The following FMN1 variants were observed in gnomAD, a reference collection of about 807,000 sequenced individuals.
FMN1 encodes formin 1, also known as formin-1.
FMN1 carries 110 observed loss-of-function variants against 132.4 expected under a neutral mutation model. The ratio of observed to expected loss-of-function variants is 0.83; its 90% CI spans 0.71 to 0.97. The LOEUF (loss-of-function observed/expected upper bound fraction) is 0.97, where lower values mean the gene tolerates loss of function less well. Among genes scored for constraint, FMN1 ranks in the 50% least tolerant of loss-of-function variants. The pLI, the probability that FMN1 is intolerant of heterozygous loss-of-function variation, is 0.00. For synonymous variants in FMN1, 722 were observed against 651.7 expected (o/e 1.11, Z -1.64); for missense variants, 1,792 against 1,705.3 (o/e 1.05, Z -0.90).
At chr15:32,973,452 A>G (rs1282294866) in intron 7 of FMN1, among the ~76,000 whole-genome samples, 3 of 152,212 alleles carry the variant, frequency 2.0e-5, no homozygotes, top group Non-Finnish European at 4.4e-5. Context: ...GTATTCACTG[A>G]TATGGAGAAT....
At chr15:32,802,457 C>T (rs1489371727) in intron 18 of FMN1, among the ~76,000 whole-genome samples, 4 of 152,180 alleles carry the variant, frequency 2.6e-5, no homozygotes, top group Admixed American at 2.6e-4. Context: ...ACTAATCTCA[C>T]ACAAATATTG....
chr15:32,974,937 C>A (rs2032083699), intron 7 of FMN1, among the ~76,000 whole-genome samples: 2 of 152,340 alleles, frequency 1.3e-5, no homozygotes, highest in South Asian at 2.1e-4. Context: ...AGCCTAAATT[C>A]TTTCCATGAT....
chr15:32,899,813 A>G (rs901190901), intron 14 of FMN1, 166 bp downstream of exon 14: 3 of 714,076 alleles, frequency 4.2e-6, no homozygotes, highest in Admixed American at 2.6e-5. Flanking sequence ...AAAACTCTTT[A>G]TTCGAAAGTG....
chr15:33,053,618 TC>T (rs1440100544), intron 6 of FMN1, among the ~76,000 whole-genome samples: 1 of 152,032 alleles, frequency 6.6e-6, no homozygotes, highest in Non-Finnish European at 1.5e-5. Flanking sequence ...ACTTCGGTGT[TC>T]CCACAATACT....
intron 6 of FMN1, among the ~76,000 whole-genome samples, chr15:33,017,298 T>C (rs1462750746): frequency 1.3e-5 from 2 of 151,992 alleles, no homozygotes; most frequent in Non-Finnish European, 2.9e-5. Flanking sequence ...CCAATTCTAA[T>C]GTAAACTGTG....
intron 4 of FMN1, among the ~76,000 whole-genome samples, chr15:33,106,992 A>T (rs199566803): frequency 6.6e-6 from 1 of 151,990 alleles, no homozygotes; most frequent in East Asian, 1.9e-4. Context: ...GCCCTATCTC[A>T]TACAGGCACC....
At chr15:32,867,975 A>G (rs889168152) in intron 16 of FMN1, among the ~76,000 whole-genome samples, 1 of 152,192 alleles carries the variant, frequency 6.6e-6, no homozygotes, top group East Asian at 1.9e-4. Context: ...AAGCTGTTCC[A>G]TGGGTATTTG....
intron 9 of FMN1, among the ~76,000 whole-genome samples, chr15:32,929,907 T>A (rs958505948): frequency 6.6e-5 from 10 of 151,828 alleles, no homozygotes; most frequent in African/African-American, 2.2e-4. Context: ...ATCTTTTCAA[T>A]ACAGTGACTT....
At chr15:33,161,464 G>A (rs189389524) in intron 3 of FMN1, among the ~76,000 whole-genome samples, 36 of 152,266 alleles carry the variant, frequency 2.4e-4, no homozygotes, top group Admixed American at 1.4e-3. Flanking sequence ...AGCTGCAGCT[G>A]CTTTCTCTGA....
chr15:32,877,283 T>C (rs1044250706), intron 16 of FMN1, among the ~76,000 whole-genome samples: 2 of 137,576 alleles, frequency 1.5e-5, no homozygotes, highest in African/African-American at 2.9e-5. Context: ...CAATATTCTG[T>C]CTCAGGAAAA....
intron 15 of FMN1, among the ~76,000 whole-genome samples, chr15:32,890,631 T>C (rs567230961): frequency 1.1e-4 from 17 of 151,310 alleles, no homozygotes; most frequent in African/African-American, 3.9e-4. Context: ...TTCTTACTGA[T>C]TTGAGTTCAC....
intron 6 of FMN1, among the ~76,000 whole-genome samples, chr15:33,022,833 C>T (rs2035477747): frequency 6.6e-6 from 1 of 152,106 alleles, no homozygotes. Flanking sequence ...GACTGAGACA[C>T]AGCTGTAGTT....
intron 7 of FMN1, among the ~76,000 whole-genome samples, chr15:32,992,117 A>G (rs1326390170): frequency 6.6e-6 from 1 of 152,104 alleles, no homozygotes; most frequent in East Asian, 1.9e-4. Context: ...TTGTAATGCA[A>G]TCTTGTTTTC....
rs2056230771 is a variant in FMN1 at position 32,771,244 on chromosome 15, A to T, written c.*3066T>A. 1 of 150,746 alleles carries T rather than the reference A, an allele frequency of 6.6e-6. No homozygotes were observed. The highest frequency in any genetic ancestry group is 6.6e-5 in the Admixed American group (1 of 15,192). 9.3% of individuals were successfully genotyped at this position (150,746 alleles called of 1,614,324 possible). On this transcript the variant is annotated 3_prime_UTR_variant, in exon 21 of 21. Transcript: ENST00000616417. ...CAGGCGCCCACCACCACGCCCGGCT[A>T]ATTTTTTGTATTTTTAGTAGAGATG...
chr15:32,781,842 A>G (rs958877784), intron 19 of FMN1, among the ~76,000 whole-genome samples: 1 of 152,178 alleles, frequency 6.6e-6, no homozygotes, highest in South Asian at 2.1e-4. Context: ...AGAAAATACT[A>G]TATGTGATTA....
intron 16 of FMN1, among the ~76,000 whole-genome samples, chr15:32,866,933 G>A (rs2059405665): frequency 1.3e-5 from 2 of 152,246 alleles, no homozygotes; most frequent in African/African-American, 4.8e-5. Context: ...CCTATACAGA[G>A]TCATTAAACG....
intron 7 of FMN1, among the ~76,000 whole-genome samples, chr15:32,991,799 G>C (rs953097579): frequency 6.6e-6 from 1 of 152,084 alleles, no homozygotes; most frequent in African/African-American, 2.4e-5. Context: ...TGGAGGCAGT[G>C]GCCCTTTGAC....
At chr15:32,821,659 C>T (rs2058222176) in intron 17 of FMN1, among the ~76,000 whole-genome samples, 1 of 151,872 alleles carries the variant, frequency 6.6e-6, no homozygotes, top group African/African-American at 2.4e-5. Flanking sequence ...ACCATCTTGG[C>T]CAGGCTGTTC....
chr15:33,018,113 G>A (rs901540790), intron 6 of FMN1, among the ~76,000 whole-genome samples: 2 of 151,912 alleles, frequency 1.3e-5, no homozygotes, highest in African/African-American at 2.4e-5. Flanking sequence ...ACCCCCTTAA[G>A]GTGATGGTAC....
Sources: allele counts gnomAD v4.1 joint callset (sites outside exome capture counted in the v4.1 genomes callset), GRCh38; gene constraint gnomAD v4.1.1; transcripts MANE v1.5; gene names NCBI Gene and HGNC (gene_info 2026-07-23, HGNC 2026-07-21).